ARHGEF4: variants seen among roughly 807,000 people sequenced by gnomAD.
ARHGEF4 encodes the protein APC-stimulated guanine nucleotide exchange factor 1.
A neutral mutation model predicts 162.0 loss-of-function variants in ARHGEF4; 119 were observed. The ratio of observed to expected loss-of-function variants is 0.73; its 90% confidence interval spans 0.63 to 0.86. The LOEUF is 0.86. ARHGEF4 is among the 40% of genes least tolerant of loss of function. ARHGEF4 has a pLI of 0.00. For missense variants in ARHGEF4, 2,488 were observed against 2,456.0 expected (o/e 1.01, Z -0.28); for synonymous variants, 1,014 against 979.9 (o/e 1.03, Z -0.65).
At chr2:130,964,903 T>C (rs539595778) in intron 4 of ARHGEF4, among the ~76,000 whole-genome samples, 1 of 152,346 alleles carries the variant, frequency 6.6e-6, no homozygotes, top group East Asian at 1.9e-4. Flanking sequence ...GAGGAAGATT[T>C]TGTCCCTAAA....
At chr2:130,930,900 G>A in intron 2 of ARHGEF4, 52 bp from the exon 3 acceptor site, 1 of 1,530,012 alleles carries the variant, frequency 6.5e-7, no homozygotes. Context: ...CGTGTTCCCA[G>A]TTGATATGTC....
At chr2:131,013,789 C>G (rs1235624543) in intron 4 of ARHGEF4, among the ~76,000 whole-genome samples, 1 of 152,072 alleles carries the variant, frequency 6.6e-6, no homozygotes, top group East Asian at 1.9e-4. Flanking sequence ...TTAGTAGATA[C>G]GGGATTTCAC....
chr2:130,865,390 C>G (rs998093971), intron 1 of ARHGEF4, among the ~76,000 whole-genome samples: 2 of 152,212 alleles, frequency 1.3e-5, no homozygotes, highest in Non-Finnish European at 1.5e-5. Context: ...AAATCTCTCT[C>G]CTGTTAATAA....
chr2:130,897,143 G>A (rs1348704227), intron 1 of ARHGEF4, among the ~76,000 whole-genome samples: 1 of 152,172 alleles, frequency 6.6e-6, no homozygotes, highest in Non-Finnish European at 1.5e-5. Flanking sequence ...CGCACTCCCT[G>A]TCTGTCAGTG....
intron 1 of ARHGEF4, among the ~76,000 whole-genome samples, chr2:130,911,054 G>A (rs1375085473): frequency 1.3e-5 from 2 of 152,198 alleles, no homozygotes; most frequent in Admixed American, 6.5e-5. Context: ...GCAGAGGGCA[G>A]AGGAGAGGTG....
intron 13 of ARHGEF4, chr2:131,045,819 C>T (rs1355258814): frequency 2.3e-5 from 33 of 1,433,450 alleles, no homozygotes; most frequent in Non-Finnish European, 2.7e-5. Context: ...CCACCCCCCT[C>T]TTCAGGCTGC....
chr2:131,027,866 T>C, intron 4 of ARHGEF4, 79 bp from the exon 5 acceptor site: 5 of 1,555,840 alleles, frequency 3.2e-6, no homozygotes, highest in Non-Finnish European at 4.4e-6. Flanking sequence ...CTGAACCCAC[T>C]GGGCTCCTTC....
intron 5 of ARHGEF4, among the ~76,000 whole-genome samples, chr2:131,029,131 C>T (rs780093766): frequency 1.3e-5 from 2 of 152,136 alleles, no homozygotes; most frequent in Non-Finnish European, 2.9e-5. Flanking sequence ...GAGGCTGAGA[C>T]GGGTGTATCA....
intron 4 of ARHGEF4, among the ~76,000 whole-genome samples, chr2:131,020,595 T>C (rs1483191271): frequency 6.6e-6 from 1 of 152,350 alleles, no homozygotes; most frequent in Non-Finnish European, 1.5e-5. Flanking sequence ...CTGTCGTTGT[T>C]GGACATTTGG....
intron 1 of ARHGEF4, among the ~76,000 whole-genome samples, chr2:130,848,738 G>C (rs577456060): frequency 6.6e-6 from 1 of 152,110 alleles, no homozygotes; most frequent in Non-Finnish European, 1.5e-5. Context: ...CTTGCCTCCC[G>C]GTCTGCAGGG....
intron 1 of ARHGEF4, among the ~76,000 whole-genome samples, chr2:130,907,511 CCAGT>C (rs912839817): frequency 6.6e-6 from 1 of 151,362 alleles, no homozygotes; most frequent in African/African-American, 2.4e-5. Context: ...GCCACCATGC[CCAGT>C]CAGTTTGTCC....
rs544702513 is a variant in ARHGEF4, at chr2:130,966,002, G to T, written c.3985+19367G>T. Among the ~76,000 whole-genome samples, 3 of 152,250 alleles carry T rather than the reference G, an allele frequency of 2.0e-5. No homozygotes were observed. In the East Asian group the frequency reaches 5.8e-4, roughly 29 times the overall value. ...AAAACAACATGATGTAGTCAGAGTT[G>T]ATGTGAGACCCAGAAACGAATGTTG... On this transcript the variant is annotated intron_variant, in intron 4 of 13. Transcript: ENST00000409359.
intron 2 of ARHGEF4, among the ~76,000 whole-genome samples, chr2:130,925,079 T>TGTGTGC (rs1353241103): frequency 3.0e-5 from 4 of 132,292 alleles, no homozygotes; most frequent in Non-Finnish European, 6.5e-5. Context: ...TGTGTGTGTG[T>TGTGTGC]GCGTCTGAGA....
chr2:130,909,330 C>T (rs562027681), intron 1 of ARHGEF4, among the ~76,000 whole-genome samples: 1 of 152,262 alleles, frequency 6.6e-6, no homozygotes, highest in South Asian at 2.1e-4. Flanking sequence ...GAACACGGGT[C>T]AGCAATAGAA....
intron 1 of ARHGEF4, among the ~76,000 whole-genome samples, chr2:130,845,375 G>GTGC (rs1680889982): frequency 6.6e-6 from 1 of 151,928 alleles, no homozygotes; most frequent in East Asian, 2.0e-4. Flanking sequence ...ACGTGGCATG[G>GTGC]TGCACACACC....
chr2:130,916,233 C>A lies in ARHGEF4; in HGVS notation c.2287C>A (p.Arg763=), dbSNP rs1038366458. The A allele has an allele frequency of 6.8e-5, 105 of 1,533,280 alleles. No homozygotes were observed. In the African/African-American group the frequency reaches 1.4e-3, roughly 20 times the overall value. 95.0% of individuals were successfully genotyped at this position (1,533,280 alleles called of 1,614,324 possible). The change falls in exon 2 of 14, where the codon CGG becomes AGG. Residue 763 remains arginine (R), a synonymous_variant. Coordinates refer to ENST00000409359, the MANE Select transcript of ARHGEF4 (RefSeq NM_001367493.1). ...EAPEGGAAAA[R]GQRPRVPALE... ...CCCCGAAGGCGGTGCTGCAGCAGCC[C>A]GGGGCCAGCGCCCCCGCGTCCCCGC... is the stretch of plus-strand genomic sequence containing the variant.
rs779560862 is a variant in ARHGEF4 at position 131,044,336 on chromosome 2, G to A, written c.5195G>A (p.Arg1732Gln). 6 of 1,609,190 alleles carry A rather than the reference G, an allele frequency of 3.7e-6. No individual in the cohort carries two copies. Among genetic ancestry groups the A allele is most frequent in the East Asian group, 2.2e-5 (1 of 44,764 alleles). The change falls in exon 12 of 14, where the codon CGG becomes CAG. Residue 1732 changes from arginine to glutamine, a missense_variant. Arg to Gln is a conservative substitution (Grantham distance 43). Coordinates refer to ENST00000409359, the MANE Select transcript of ARHGEF4 (RefSeq NM_001367493.1). ...LRRDVLYYKG[R>Q]LDMDGLEVVD... ...CGCGACGTGTTGTACTACAAGGGCC[G>A]GCTGGACATGGACGGCCTGGAGGTG... is the stretch of plus-strand genomic sequence containing the variant.
At chr2:130,980,389 CA>C (rs70994728) in intron 4 of ARHGEF4, among the ~76,000 whole-genome samples, 35 of 141,426 alleles carry the variant, frequency 2.5e-4, no homozygotes, top group African/African-American at 2.6e-4. Flanking sequence ...GACCATGTCT[CA>C]AAAAAAAAAA....
At chr2:130,868,470 C>T (rs4850295) in intron 1 of ARHGEF4, among the ~76,000 whole-genome samples, 6,006 of 116,110 alleles carry the variant, frequency 0.052, 191 homozygotes, top group East Asian at 0.11. Flanking sequence ...TGGGGTGGGG[C>T]GGGGCAGGTG....
Sources: allele counts gnomAD v4.1 joint callset (sites outside exome capture counted in the v4.1 genomes callset), GRCh38; gene constraint gnomAD v4.1.1; transcripts MANE v1.5; gene names NCBI Gene and HGNC (gene_info 2026-07-23, HGNC 2026-07-21).